Variants in AKAP14 observed in about 807,000 individuals in gnomAD.
AKAP14 encodes A-kinase anchoring protein 14, also known as A-kinase anchor protein 14.
Under a neutral mutation model 17.0 loss-of-function variants are expected in AKAP14, and 4 were observed. The observed-to-expected ratio is 0.23, with a 90% CI of 0.12 to 0.54. The LOEUF (loss-of-function observed/expected upper bound fraction) is 0.54, where lower values mean the gene tolerates loss of function less well. AKAP14 is among the 20% of genes least tolerant of loss of function. The pLI, the probability that AKAP14 is intolerant of heterozygous loss-of-function variation, is 0.95. For missense variants in AKAP14, 129 were observed against 150.9 expected (o/e 0.85, Z 0.76); for synonymous variants, 42 against 51.3 (o/e 0.82, Z 0.77).
At position 119,918,731 on chromosome X, in the gene AKAP14, A is replaced by G. The variant is rs768541096; in HGVS notation, c.442-1180A>G. ...TGATAGCTGGTGTGAAAAGAGCCAA[A>G]ATAACATCCATGAATCTAGGGGAAG... On this transcript the variant is annotated intron_variant, in intron 5 of 6. Coordinates refer to ENST00000371431, the MANE Select transcript of AKAP14 (RefSeq NM_178813.6). 5.3e-5 allele frequency among the ~76,000 whole-genome samples: 6 copies of G among 112,327 alleles called. No homozygotes were observed. In the East Asian group the frequency reaches 1.7e-3, roughly 31 times the overall value.
intron 4 of AKAP14, among the ~76,000 whole-genome samples, chrX:119,913,734 C>A (rs1336637819): frequency 9.1e-6 from 1 of 109,750 alleles, no homozygotes; most frequent in Non-Finnish European, 1.9e-5. Context: ...CAAGATCACG[C>A]CACTGCACTC....
At chrX:119,913,346 C>T (rs190115475) in intron 4 of AKAP14, among the ~76,000 whole-genome samples, 3 of 111,816 alleles carry the variant, frequency 2.7e-5, no homozygotes, top group Admixed American at 9.6e-5. Context: ...CATTACTTTC[C>T]AGTCACACAT....
At position 119,914,753 on chromosome X, in the gene AKAP14, G is replaced by T. The variant is rs781225508; in HGVS notation, c.316G>T (p.Asp106Tyr). 3.3e-6 allele frequency: 4 copies of T among 1,210,827 alleles called. No individual in the cohort carries two copies. The Admixed American group carries it at 6.5e-5, about 20-fold the overall frequency. Reference sequence around the variant, plus strand: ...TGGCGTAGAGTTTGTAGAGAGGAAAGACTTAATTCACAGCTTCCTCTACAT... The same window carrying T: ...TGGCGTAGAGTTTGTAGAGAGGAAATACTTAATTCACAGCTTCCTCTACAT... ...AHGVEFVERK[D>Y]LIHSFLYIYY... Residue 106 changes from aspartate to tyrosine, a missense_variant, in exon 5 of 7, where the codon GAC becomes TAC. Coordinates refer to ENST00000371431, the MANE Select transcript of AKAP14 (RefSeq NM_178813.6).
intron 6 of AKAP14, 152 bp downstream of exon 6, chrX:119,920,115 T>A: frequency 1.8e-6 from 1 of 554,935 alleles, no homozygotes; most frequent in Non-Finnish European, 2.8e-6. Flanking sequence ...GAAACTGTTC[T>A]AGAAAATTAT....
chrX:119,909,875 A>G (rs940236258), intron 4 of AKAP14, among the ~76,000 whole-genome samples: 1 of 91,652 alleles, frequency 1.1e-5, no homozygotes. Flanking sequence ...ACAGAGAGGG[A>G]CTCCGTCTCA....
At chrX:119,914,956 C>T (rs1045104853) in intron 5 of AKAP14, 78 bp downstream of exon 5, 2 of 1,015,666 alleles carry the variant, frequency 2.0e-6, no homozygotes, top group Non-Finnish European at 2.7e-6. Flanking sequence ...TCAATAACCC[C>T]ATTTTTACAA....
Position 119,903,367 on chromosome X carries a change from C to G in AKAP14, c.144C>G (p.Ile48Met). The G allele has an allele frequency of 8.3e-7, 1 of 1,211,784 alleles. No homozygotes were observed. Among genetic ancestry groups the G allele is most frequent in the Non-Finnish European group, 1.1e-6 (1 of 895,525 alleles). ...CTCTAGCTCTGGTTGAGGATGTCAT[C>G]AATTATGCTGTTAAGATTGTGGAAG... is the stretch of plus-strand genomic sequence containing the variant. ...QVALALVEDVINYAVKIVEEE... is the reference protein window; with the variant it reads ...QVALALVEDVMNYAVKIVEEE... The change falls in exon 3 of 7, where the codon ATC (isoleucine) becomes ATG (methionine). Residue 48 changes from isoleucine to methionine, a missense_variant. By Grantham distance (10) the Ile-to-Met change is conservative (BLOSUM62 1). Coordinates refer to ENST00000371431, the MANE Select transcript of AKAP14 (RefSeq NM_178813.6).
rs1210211627 is a variant in AKAP14 at position 119,903,281 on chromosome X, G to T, written c.58G>T (p.Ala20Ser). The T allele has an allele frequency of 8.3e-7, 1 of 1,211,654 alleles. No individual in the cohort carries two copies. Residue 20 changes from alanine (A) to serine (S), a missense_variant, in exon 3 of 7, where the codon GCA (alanine) becomes TCA (serine). Coordinates refer to ENST00000371431, the MANE Select transcript of AKAP14 (RefSeq NM_178813.6). ...QKAMDEDNKA[A>S]SQTMPNTQDK... ...AGCAATGGATGAGGATAACAAAGCC[G>T]CAAGCCAAACAATGCCGAATACACA...
At chrX:119,901,966 C>T (rs2056568882) in intron 2 of AKAP14, among the ~76,000 whole-genome samples, 1 of 110,514 alleles carries the variant, frequency 9.0e-6, no homozygotes, top group Admixed American at 9.7e-5. Flanking sequence ...TTGCGGTGAG[C>T]CGAGATAGCG....
intron 5 of AKAP14, among the ~76,000 whole-genome samples, chrX:119,916,435 T>TCTAC (rs2056657276): frequency 3.3e-5 from 1 of 30,525 alleles, no homozygotes; most frequent in Non-Finnish European, 7.3e-5. Context: ...GCCTATCTAA[T>TCTAC]CTATCTATCT....
intron 6 of AKAP14, 94 bp downstream of exon 6, chrX:119,920,057 T>G (rs1263834174): frequency 2.2e-6 from 2 of 909,385 alleles, no homozygotes; most frequent in African/African-American, 1.9e-5. Flanking sequence ...ATAGTTCATG[T>G]AATGGTCACT....
intron 2 of AKAP14, among the ~76,000 whole-genome samples, chrX:119,899,843 C>T (rs777556481): frequency 1.8e-5 from 2 of 112,086 alleles, no homozygotes; most frequent in South Asian, 7.3e-4. Context: ...AAATTGGGAG[C>T]TGTTATTTAT....
At chrX:119,897,601 T>C (rs902656206) in intron 2 of AKAP14, among the ~76,000 whole-genome samples, 8 of 112,504 alleles carry the variant, frequency 7.1e-5, no homozygotes, top group African/African-American at 1.9e-4. Context: ...CAAATTGGCA[T>C]GGCCTAAGTA....
In AKAP14 at chrX:119,913,123, AAAAT is replaced by A. The variant is rs766878681; in HGVS notation, c.262-1548_262-1545del. 1.8e-3 allele frequency among the ~76,000 whole-genome samples: 173 copies of A among 98,093 alleles called. 2 individuals are homozygous for A. The highest frequency in any genetic ancestry group is 5.2e-3 in the Middle Eastern group (1 of 192). 85.2% of individuals were successfully genotyped at this position (98,093 alleles called of 115,157 possible). ...GACAACATAGCAAGACCTGGTCTCT[AAAAT>A]AAATAAATAAATAAATAAATAAATA... is the stretch of plus-strand genomic sequence containing the variant. On this transcript the variant is annotated intron_variant, in intron 4 of 6. Coordinates refer to ENST00000371431, the MANE Select transcript of AKAP14 (RefSeq NM_178813.6).
chrX:119,914,417 C>T (rs1333556338), intron 4 of AKAP14, among the ~76,000 whole-genome samples: 2 of 110,294 alleles, frequency 1.8e-5, no homozygotes, highest in Non-Finnish European at 3.8e-5. Flanking sequence ...AACTCCTGGA[C>T]TCGGGCAATC....
chrX:119,908,671 T>C (rs912417252), intron 4 of AKAP14, among the ~76,000 whole-genome samples: 1 of 111,746 alleles, frequency 8.9e-6, no homozygotes, highest in African/African-American at 3.2e-5. Context: ...ATTGTGAGTG[T>C]CCAGTAGTAT....
At chrX:119,911,137 GA>G (rs1238029361) in intron 4 of AKAP14, among the ~76,000 whole-genome samples, 3 of 106,174 alleles carry the variant, frequency 2.8e-5, no homozygotes, top group Non-Finnish European at 5.8e-5. Flanking sequence ...CAGATCACGT[GA>G]GGTCAGGAGT....
chrX:119,919,522 T>G (rs1307752209), intron 5 of AKAP14, among the ~76,000 whole-genome samples: 2 of 112,511 alleles, frequency 1.8e-5, no homozygotes, highest in East Asian at 5.6e-4. Context: ...AGTATGCATA[T>G]GGGCAAGTGT....
chrX:119,902,846 C>T (rs1027628257), intron 2 of AKAP14, among the ~76,000 whole-genome samples: 20 of 111,484 alleles, frequency 1.8e-4, no homozygotes, highest in African/African-American at 5.2e-4. Flanking sequence ...CGCCCGCCAC[C>T]ACACCCGGCA....
Sources: allele counts gnomAD v4.1 joint callset (sites outside exome capture counted in the v4.1 genomes callset), GRCh38; gene constraint gnomAD v4.1.1; transcripts MANE v1.5; gene names NCBI Gene and HGNC (gene_info 2026-07-23, HGNC 2026-07-21).